Variants in PIEZO2 observed in about 807,000 individuals in gnomAD.
PIEZO2 encodes piezo type mechanosensitive ion channel component 2.
In PIEZO2, 172 loss-of-function variants were observed where a neutral mutation model predicts 337.3. That is an observed-to-expected ratio of 0.51 (90% confidence interval 0.45 to 0.58). PIEZO2 has a LOEUF of 0.58. Among genes scored for constraint, PIEZO2 ranks in the 20% least tolerant of loss-of-function variants. PIEZO2 has a pLI of 0.00. For missense variants in PIEZO2, 3,028 were observed against 3,391.3 expected (o/e 0.89, Z 2.66); for synonymous variants, 1,251 against 1,228.5 (o/e 1.02, Z -0.38).
In PIEZO2 at chr18:10,716,927, C is replaced by A. The variant is rs753983800; in HGVS notation, c.5090-1111G>T. Among the ~76,000 whole-genome samples, 1 of 152,126 alleles carries A rather than the reference C, an allele frequency of 6.6e-6. No homozygotes were observed. Among genetic ancestry groups the A allele is most frequent in the Non-Finnish European group, 1.5e-5 (1 of 68,042 alleles). On this transcript the variant is annotated intron_variant, in intron 37 of 55. Coordinates refer to ENST00000674853, the MANE Select transcript of PIEZO2 (RefSeq NM_001378183.1). The surrounding 1 kb of genome is among the most constrained non-coding windows in gnomAD (Gnocchi z 4.1). ...GTGGGCCTGATTGTAAGGCTGCAGC[C>A]ACCGCACTGGAGACGTGAATCACAG...
chr18:10,785,017 C>G, intron 16 of PIEZO2, 60 bp from the exon 17 acceptor site: 2 of 1,461,698 alleles, frequency 1.4e-6, no homozygotes, highest in African/African-American at 1.4e-5. Context: ...GTCACAAACT[C>G]TTTGTGATAA....
Position 10,850,087 on chromosome 18 carries a change from A to G in PIEZO2, c.917+5266T>C, listed in dbSNP as rs1242945444. Among the ~76,000 whole-genome samples the G allele has an allele frequency of 1.3e-5, 2 of 152,192 alleles. No individual in the cohort carries two copies. The highest frequency in any genetic ancestry group is 2.9e-5 in the Non-Finnish European group (2 of 68,044). On this transcript the variant is annotated intron_variant, in intron 7 of 55. Transcript: ENST00000674853. This position sits in a 1 kb window ranked among gnomAD's most constrained non-coding sequence, Gnocchi z 4.5. ...TAAGTACACCTATCTCTGTCACATA[A>G]TAAGTCCTACATTTTGTTTTGGAAA...
At chr18:11,060,132 C>T (rs2037887656) in intron 2 of PIEZO2, among the ~76,000 whole-genome samples, 1 of 152,188 alleles carries the variant, frequency 6.6e-6, no homozygotes, top group Admixed American at 6.5e-5. Flanking sequence ...TACCTGGAAA[C>T]TGAACAACCT....
At chr18:10,703,859 T>A (rs190028274) in intron 42 of PIEZO2, among the ~76,000 whole-genome samples, 1 of 152,298 alleles carries the variant, frequency 6.6e-6, no homozygotes, top group East Asian at 1.9e-4. Context: ...TACAATTTTG[T>A]GTTGCGACGT....
chr18:11,068,905 A>G (rs2038245047), intron 1 of PIEZO2, among the ~76,000 whole-genome samples: 1 of 152,192 alleles, frequency 6.6e-6, no homozygotes. Flanking sequence ...ATACATTAAT[A>G]AACTGGATAA....
chr18:10,944,517 G>GATATATATATATATAT (rs368272727), intron 3 of PIEZO2, among the ~76,000 whole-genome samples: 2 of 49,844 alleles, frequency 4.0e-5, no homozygotes, highest in East Asian at 8.1e-4. Context: ...CTTAGTAACA[G>GATATATATATATATAT]ATATATATAT....
intron 5 of PIEZO2, among the ~76,000 whole-genome samples, chr18:10,860,464 C>T (rs541941413): frequency 6.6e-6 from 1 of 152,268 alleles, no homozygotes; most frequent in South Asian, 2.1e-4. Context: ...CTCTTCCATT[C>T]AGCTTACTCC....
chr18:10,995,926 TG>T (rs1408322534), intron 2 of PIEZO2, among the ~76,000 whole-genome samples: 2 of 152,142 alleles, frequency 1.3e-5, no homozygotes, highest in African/African-American at 4.8e-5. Flanking sequence ...AACATGTGAT[TG>T]CTATAAAAAA....
chr18:10,757,815 A>G (rs1047873180), intron 27 of PIEZO2, among the ~76,000 whole-genome samples, 154 bp downstream of exon 27: 1 of 152,086 alleles, frequency 6.6e-6, no homozygotes, highest in African/African-American at 2.4e-5. Flanking sequence ...CTCAGCCTCC[A>G]GGCTGCTGAA....
intron 4 of PIEZO2, among the ~76,000 whole-genome samples, chr18:10,882,950 T>A (rs563648677): frequency 3.0e-4 from 44 of 148,692 alleles, no homozygotes; most frequent in African/African-American, 1.0e-3. Flanking sequence ...GCGATTCTCC[T>A]GCCTCAGCTT....
At chr18:10,927,267 T>C (rs565908784) in intron 3 of PIEZO2, among the ~76,000 whole-genome samples, 1 of 152,340 alleles carries the variant, frequency 6.6e-6, no homozygotes, top group East Asian at 1.9e-4. Context: ...GTGACCCCTT[T>C]GGAAGCTCAA....
chr18:10,690,583 C>T (rs2034771324), intron 48 of PIEZO2, among the ~76,000 whole-genome samples: 1 of 152,196 alleles, frequency 6.6e-6, no homozygotes, highest in Admixed American at 6.5e-5. Flanking sequence ...CAGCGCTTCA[C>T]AGCATCTGAA....
At chr18:10,916,452 T>G (rs2030971785) in intron 3 of PIEZO2, among the ~76,000 whole-genome samples, 2 of 152,010 alleles carry the variant, frequency 1.3e-5, no homozygotes, top group African/African-American at 4.8e-5. Flanking sequence ...AGAGGCTTGG[T>G]GAGAATTTGA....
chr18:11,034,015 T>C (rs1378384956), intron 2 of PIEZO2, among the ~76,000 whole-genome samples: 2 of 152,132 alleles, frequency 1.3e-5, no homozygotes, highest in Non-Finnish European at 1.5e-5. Flanking sequence ...AATTCGACAG[T>C]CTTTAAAAGT....
intron 7 of PIEZO2, among the ~76,000 whole-genome samples, chr18:10,807,708 C>T (rs1161586524): frequency 1.3e-5 from 2 of 152,282 alleles, no homozygotes; most frequent in Non-Finnish European, 2.9e-5. Flanking sequence ...TGGCTAGGTT[C>T]AGCATTAGTT....
At chr18:11,063,864 GC>G (rs2038056655) in intron 2 of PIEZO2, among the ~76,000 whole-genome samples, 1 of 152,120 alleles carries the variant, frequency 6.6e-6, no homozygotes, top group Non-Finnish European at 1.5e-5. Flanking sequence ...TCCCTAGAAA[GC>G]CATGCTGCAT....
At chr18:10,934,191 C>T (rs549739865) in intron 3 of PIEZO2, among the ~76,000 whole-genome samples, 2 of 152,116 alleles carry the variant, frequency 1.3e-5, no homozygotes, top group East Asian at 1.9e-4. Flanking sequence ...TGCTTTCATA[C>T]AAAAAAGGGA....
chr18:10,967,804 T>C (rs1346977890), intron 3 of PIEZO2, among the ~76,000 whole-genome samples: 1 of 152,178 alleles, frequency 6.6e-6, no homozygotes, highest in African/African-American at 2.4e-5. Context: ...GCTTCCTTAC[T>C]GATTTGTCTG....
chr18:10,736,635 T>G lies in PIEZO2; in HGVS notation c.4784A>C (p.Asp1595Ala). The change falls in exon 34 of 56, where the codon GAT becomes GCT. Residue 1595 changes from aspartate (D) to alanine (A), a missense_variant. Physicochemically the swap from Asp to Ala is moderately radical, Grantham distance 126. Transcript: ENST00000674853. ...TGCTGACCTTCGTGGAGGTTCTTCA[T>G]CTTCCTTCTTTAATTCTTCCTCTTC... ...EEEEEELKKE[D>A]EEPPRRSAFQ... 6.5e-7 allele frequency: 1 copy of G among 1,537,180 alleles called. No individual in the cohort carries two copies. Among genetic ancestry groups the G allele is most frequent in the African/African-American group, 1.4e-5 (1 of 73,168 alleles).
Sources: allele counts gnomAD v4.1 joint callset (sites outside exome capture counted in the v4.1 genomes callset), GRCh38; gene constraint gnomAD v4.1.1; non-coding constraint Gnocchi (gnomAD v3.1); transcripts MANE v1.5; gene names NCBI Gene and HGNC (gene_info 2026-07-23, HGNC 2026-07-21).